Variants in MTCL2 observed in about 807,000 individuals in gnomAD.
MTCL2 encodes microtubule cross-linking factor 2.
At chr20:36,797,600 G>A in the MTCL2 span, 37 of 1,551,424 alleles carry the variant, frequency 2.4e-5, no homozygotes, top group East Asian at 9.7e-5. Context: ...AGGGTGGGTC[G>A]GTAATGGGCA....
the MTCL2 span, among the ~76,000 whole-genome samples, chr20:36,841,860 G>C: frequency 7.3e-6 from 1 of 137,164 alleles, no homozygotes; most frequent in East Asian, 2.2e-4. Flanking sequence ...CCCCACATCG[G>C]GGGTGGGGGG....
At chr20:36,834,294 T>C in the MTCL2 span, among the ~76,000 whole-genome samples, 2 of 151,748 alleles carry the variant, frequency 1.3e-5, no homozygotes. Context: ...ATGAGGAAAG[T>C]GAGGCTCAAA....
At chr20:36,793,075 T>G in the MTCL2 span, 1 of 783,836 alleles carries the variant, frequency 1.3e-6, no homozygotes, top group East Asian at 2.8e-5. This position sits in a 1 kb window ranked among gnomAD's most constrained non-coding sequence, Gnocchi z 6.8. Flanking sequence ...TGGCCAATTT[T>G]TGTATTTTTA....
chr20:36,840,166 G>GTTT, the MTCL2 span, among the ~76,000 whole-genome samples: 2 of 122,912 alleles, frequency 1.6e-5, no homozygotes, highest in Admixed American at 8.3e-5. Flanking sequence ...CCAGCCTGGT[G>GTTT]TTTTTTTTTT....
At chr20:36,812,564 T>G in the MTCL2 span, 1 of 1,115,390 alleles carries the variant, frequency 9.0e-7, no homozygotes, top group Non-Finnish European at 1.2e-6. Context: ...TGGCCTTGGC[T>G]GCCAAGAAGC....
chr20:36,794,236 G>A, the MTCL2 span: 3 of 1,549,644 alleles, frequency 1.9e-6, no homozygotes, highest in Non-Finnish European at 2.6e-6. The surrounding 1 kb of genome is among the most constrained non-coding windows in gnomAD (Gnocchi z 5.4). Flanking sequence ...TGGCTGTGGT[G>A]AAGAGGAAGC....
the MTCL2 span, chr20:36,784,055 A>G: frequency 1.0e-6 from 1 of 985,524 alleles, no homozygotes; most frequent in Non-Finnish European, 1.2e-6. Flanking sequence ...GTACGATGGT[A>G]AGGCTGAGTG....
the MTCL2 span, among the ~76,000 whole-genome samples, chr20:36,852,353 G>T: frequency 6.6e-6 from 1 of 152,330 alleles, no homozygotes; most frequent in African/African-American, 2.4e-5. Flanking sequence ...GCTCTGTGGA[G>T]TGGGCCGGCA....
the MTCL2 span, among the ~76,000 whole-genome samples, chr20:36,848,053 G>T: frequency 2.6e-5 from 4 of 152,154 alleles, no homozygotes; most frequent in African/African-American, 9.7e-5. Context: ...GGAGGCTGAG[G>T]CAGGAGGTTC....
chr20:36,785,514 G>A, the MTCL2 span: 3 of 985,430 alleles, frequency 3.0e-6, no homozygotes, highest in East Asian at 1.1e-4. Flanking sequence ...GGCCTGACCT[G>A]GCCAACCAAG....
chr20:36,788,632 C>T, the MTCL2 span, among the ~76,000 whole-genome samples: 1 of 151,966 alleles, frequency 6.6e-6, no homozygotes, highest in Non-Finnish European at 1.5e-5. Context: ...AGCGAGACTC[C>T]GTCTCAAAAA....
At chr20:36,819,819 G>A in the MTCL2 span, among the ~76,000 whole-genome samples, 1 of 152,140 alleles carries the variant, frequency 6.6e-6, no homozygotes, top group Non-Finnish European at 1.5e-5. Flanking sequence ...AGGCAGGGAG[G>A]CAGAGGCTGA....
the MTCL2 span, among the ~76,000 whole-genome samples, chr20:36,847,250 T>A: frequency 1.3e-5 from 2 of 152,208 alleles, no homozygotes; most frequent in Admixed American, 1.3e-4. Context: ...CAGTGCGTCA[T>A]AACTGTGCTC....
the MTCL2 span, chr20:36,779,413 G>C: frequency 6.6e-6 from 1 of 152,662 alleles, no homozygotes; most frequent in Admixed American, 6.5e-5. Flanking sequence ...GGGCAGGGCA[G>C]GGGAGGAAAA....
the MTCL2 span, chr20:36,786,413 G>A: frequency 1.0e-3 from 1,490 of 1,445,270 alleles, 12 homozygotes; most frequent in African/African-American, 0.017. Flanking sequence ...GCCTCACCTC[G>A]TCTCGTCTCT....
the MTCL2 span, among the ~76,000 whole-genome samples, chr20:36,799,192 CA>C: frequency 2.6e-5 from 4 of 151,468 alleles, no homozygotes; most frequent in Admixed American, 6.6e-5. Context: ...CCCATCTCTA[CA>C]AAAAAATACA....
the MTCL2 span, among the ~76,000 whole-genome samples, chr20:36,848,492 G>A: frequency 6.6e-6 from 1 of 152,176 alleles, no homozygotes; most frequent in African/African-American, 2.4e-5. Context: ...GCAGCAGAGG[G>A]CTTCACAGTT....
At chr20:36,783,367 G>A in the MTCL2 span, 1 of 152,206 alleles carries the variant, frequency 6.6e-6, no homozygotes, top group Admixed American at 6.5e-5. Context: ...CATTCCAAAA[G>A]GGGCTGATTT....
the MTCL2 span, among the ~76,000 whole-genome samples, chr20:36,819,387 A>AC: frequency 6.6e-5 from 10 of 152,164 alleles, no homozygotes; most frequent in Admixed American, 4.6e-4. Flanking sequence ...CCTGAAAGTG[A>AC]CAGCCACTGA....
Sources: gnomAD v4.1 joint callset for allele counts (sites outside exome capture counted in the v4.1 genomes callset) on GRCh38, gnomAD v4.1.1 for gene constraint, Gnocchi (gnomAD v3.1) non-coding constraint, MANE v1.5 for transcripts, NCBI Gene and HGNC (gene_info 2026-07-23, HGNC 2026-07-21) for gene names.